The following CNTNAP2 variants were observed in gnomAD, a reference collection of about 807,000 sequenced individuals.
CNTNAP2 encodes contactin-associated protein-like 2.
Under a neutral mutation model 155.2 loss-of-function variants are expected in CNTNAP2, and 98 were observed. The observed-to-expected ratio is 0.63, with a 90% confidence interval of 0.54 to 0.75. The LOEUF is 0.75. Among genes scored for constraint, CNTNAP2 ranks in the 30% least tolerant of loss-of-function variants. The pLI, the probability that CNTNAP2 is intolerant of heterozygous loss-of-function variation, is 0.00. For synonymous variants in CNTNAP2, 651 were observed against 631.2 expected, an observed-to-expected ratio of 1.03 and a Z score of -0.47; for missense variants, 1,727 against 1,688.1, an observed-to-expected ratio of 1.02 and a Z score of -0.40.
intron 9 of CNTNAP2, among the ~76,000 whole-genome samples, chr7:147,330,565 C>T (rs2116840557): frequency 6.6e-6 from 1 of 152,268 alleles, no homozygotes; most frequent in East Asian, 1.9e-4. Flanking sequence ...GAAGGGTTTT[C>T]ACTAACTCTG....
chr7:146,437,240 C>A (rs1302069367), intron 1 of CNTNAP2, among the ~76,000 whole-genome samples: 3 of 151,584 alleles, frequency 2.0e-5, no homozygotes, highest in Middle Eastern at 3.4e-3. Context: ...TCTACCCCAA[C>A]CTCACCCTCC....
chr7:147,390,076 T>C (rs1000462254), intron 9 of CNTNAP2, among the ~76,000 whole-genome samples: 9 of 152,174 alleles, frequency 5.9e-5, no homozygotes, highest in Non-Finnish European at 7.3e-5. Flanking sequence ...GAAATTTCAT[T>C]TGTTCATAAA....
intron 1 of CNTNAP2, among the ~76,000 whole-genome samples, chr7:146,488,688 C>G (rs1797094931): frequency 6.6e-6 from 1 of 152,068 alleles, no homozygotes; most frequent in Non-Finnish European, 1.5e-5. Context: ...TGTACAGTGC[C>G]ATGATTTTGG....
At chr7:146,982,708 C>T (rs1798041126) in intron 3 of CNTNAP2, among the ~76,000 whole-genome samples, 1 of 152,082 alleles carries the variant, frequency 6.6e-6, no homozygotes, top group African/African-American at 2.4e-5. Context: ...CTTGATGCCT[C>T]TGATCAGACT....
At chr7:146,772,592 C>A (rs1322583329) in intron 1 of CNTNAP2, among the ~76,000 whole-genome samples, 1 of 152,044 alleles carries the variant, frequency 6.6e-6, no homozygotes, top group Non-Finnish European at 1.5e-5. Context: ...TCGCTTGAAC[C>A]CGGGAGACAG....
At chr7:148,069,175 G>A (rs181909307) in intron 15 of CNTNAP2, among the ~76,000 whole-genome samples, 59 of 152,272 alleles carry the variant, frequency 3.9e-4, no homozygotes, top group African/African-American at 1.3e-3. Flanking sequence ...TCAGACAAGA[G>A]TAAGTCAAAT....
intron 1 of CNTNAP2, among the ~76,000 whole-genome samples, chr7:146,597,248 G>T (rs1033317172): frequency 1.6e-4 from 24 of 152,026 alleles, no homozygotes; most frequent in African/African-American, 5.8e-4. Flanking sequence ...TGTAGATTTG[G>T]ATGAGAGTGT....
chr7:146,494,270 T>C (rs1429580322), intron 1 of CNTNAP2, among the ~76,000 whole-genome samples: 1 of 151,208 alleles, frequency 6.6e-6, no homozygotes, highest in Admixed American at 6.6e-5. Flanking sequence ...GGAGGCGGAG[T>C]TTGTAGTGAG....
chr7:146,155,655 A>T (rs757761222), intron 1 of CNTNAP2, among the ~76,000 whole-genome samples: 5 of 150,592 alleles, frequency 3.3e-5, no homozygotes, highest in African/African-American at 7.3e-5. Flanking sequence ...ATAAGTAAAT[A>T]CAATTATAAA....
At chr7:147,471,774 T>C (rs770215850) in intron 10 of CNTNAP2, among the ~76,000 whole-genome samples, 4 of 152,120 alleles carry the variant, frequency 2.6e-5, no homozygotes, top group Non-Finnish European at 5.9e-5. Flanking sequence ...CCTACTCTCA[T>C]GGAAATTACA....
At chr7:146,940,725 G>GTA (rs1308833581) in intron 3 of CNTNAP2, among the ~76,000 whole-genome samples, 1 of 149,474 alleles carries the variant, frequency 6.7e-6, no homozygotes, top group Non-Finnish European at 1.5e-5. Context: ...ACAATATGGT[G>GTA]TGTATATATA....
chr7:147,536,435 C>CTT (rs1562985997), intron 11 of CNTNAP2, among the ~76,000 whole-genome samples: 1 of 152,126 alleles, frequency 6.6e-6, no homozygotes, highest in Non-Finnish European at 1.5e-5. Context: ...CAAACAAGAA[C>CTT]TTCCTGGTCC....
intron 18 of CNTNAP2, among the ~76,000 whole-genome samples, chr7:148,207,610 C>T (rs948483949): frequency 3.3e-5 from 5 of 152,156 alleles, no homozygotes; most frequent in African/African-American, 7.2e-5. Context: ...CATACTTTCC[C>T]GAAAATGTCA....
chr7:146,132,650 G>C (rs1343523350), intron 1 of CNTNAP2, among the ~76,000 whole-genome samples: 1 of 148,418 alleles, frequency 6.7e-6, no homozygotes, highest in African/African-American at 2.5e-5. Context: ...CCACCTATGA[G>C]TGAGAATATG....
intron 1 of CNTNAP2, among the ~76,000 whole-genome samples, chr7:146,268,967 C>A (rs983985850): frequency 6.6e-6 from 1 of 152,164 alleles, no homozygotes; most frequent in Non-Finnish European, 1.5e-5. Context: ...TTAAAACCAT[C>A]ATCTTTACCT....
chr7:146,496,379 T>C (rs1370148076), intron 1 of CNTNAP2, among the ~76,000 whole-genome samples: 1 of 152,234 alleles, frequency 6.6e-6, no homozygotes, highest in Admixed American at 6.6e-5. Context: ...TCTTTTCAGA[T>C]ACATTCACCG....
intron 15 of CNTNAP2, among the ~76,000 whole-genome samples, chr7:148,061,835 C>CTAGA (rs10661770): frequency 0.35 from 50,451 of 144,714 alleles, 9,476 homozygotes; most frequent in East Asian, 0.53. Context: ...GTCTAGATAC[C>CTAGA]TAGATAGTTA....
intron 1 of CNTNAP2, among the ~76,000 whole-genome samples, chr7:146,524,877 T>C (rs1405744363): frequency 6.6e-6 from 1 of 152,054 alleles, no homozygotes; most frequent in African/African-American, 2.4e-5. Flanking sequence ...TTAAGGAGAG[T>C]GTGCAAGGGC....
intron 22 of CNTNAP2, among the ~76,000 whole-genome samples, chr7:148,407,350 G>A (rs1799725810): frequency 6.6e-6 from 1 of 152,164 alleles, no homozygotes; most frequent in African/African-American, 2.4e-5. Flanking sequence ...GAAAGTAGCT[G>A]ACTACACTGT....
Sources: gnomAD v4.1 joint callset for allele counts (sites outside exome capture counted in the v4.1 genomes callset) on GRCh38, gnomAD v4.1.1 for gene constraint, MANE v1.5 for transcripts, NCBI Gene and HGNC (gene_info 2026-07-23, HGNC 2026-07-21) for gene names.